SORCS1: variants seen among roughly 807,000 people sequenced by gnomAD.
SORCS1 encodes sortilin related VPS10 domain containing receptor 1, also known as VPS10 domain-containing receptor SorCS1.
In SORCS1, 60 loss-of-function variants were observed where a neutral mutation model predicts 146.1. The observed-to-expected ratio is 0.41, with a 90% confidence interval of 0.33 to 0.51. SORCS1 has a LOEUF of 0.51. SORCS1 is among the 20% of genes least tolerant of loss of function. The pLI is 0.21. For synonymous variants in SORCS1, 637 were observed against 584.0 expected (o/e 1.09, Z -1.31); for missense variants, 1,352 against 1,487.6 (o/e 0.91, Z 1.50).
the SORCS1 span, among the ~76,000 whole-genome samples, chr10:107,169,981 C>G: frequency 2.0e-5 from 3 of 151,922 alleles, no homozygotes; most frequent in Non-Finnish European, 4.4e-5. Flanking sequence ...CTCACATATG[C>G]ATATATATTT....
chr10:107,168,957 T>G (rs145627728), upstream of SORCS1, among the ~76,000 whole-genome samples: 30 of 152,294 alleles, frequency 2.0e-4, no homozygotes, highest in East Asian at 5.6e-3. Context: ...TGGGAACAAG[T>G]GTGCACTTTT....
chr10:106,904,882 CAAT>C (rs1265838732), intron 2 of SORCS1, among the ~76,000 whole-genome samples: 4 of 151,968 alleles, frequency 2.6e-5, no homozygotes, highest in Non-Finnish European at 5.9e-5. Context: ...TAAATAAAAA[CAAT>C]GTTAGAAATC....
At chr10:106,976,475 A>C (rs1956025832) in intron 1 of SORCS1, among the ~76,000 whole-genome samples, 1 of 151,596 alleles carries the variant, frequency 6.6e-6, no homozygotes, top group Middle Eastern at 3.4e-3. Flanking sequence ...GGGACTACAG[A>C]AGCCCGCCAC....
chr10:106,827,052 CCT>C (rs1032238149), intron 3 of SORCS1, among the ~76,000 whole-genome samples: 16 of 152,252 alleles, frequency 1.1e-4, no homozygotes, highest in African/African-American at 3.1e-4. Context: ...TGTATTATTA[CCT>C]CTCTGCTTCC....
At position 106,755,704 on chromosome 10, in the gene SORCS1, GAT is replaced by G. The variant is rs1185158757; in HGVS notation, c.959+5882_959+5883del. Among the ~76,000 whole-genome samples the G allele has an allele frequency of 2.0e-5, 3 of 152,042 alleles. No individual in the cohort carries two copies. The East Asian group carries it at 5.8e-4, about 29-fold the overall frequency. ...AGACTGTATTTCAATTCTTGGGGTAGATATGTGTCTGACCTACATGAGTAATG... is the reference window on the plus strand; with the variant it reads ...AGACTGTATTTCAATTCTTGGGGTAGATGTGTCTGACCTACATGAGTAATG... On this transcript the variant is annotated intron_variant, in intron 5 of 25. Transcript: ENST00000263054.
At chr10:106,906,639 T>C (rs1242421635) in intron 2 of SORCS1, among the ~76,000 whole-genome samples, 2 of 152,146 alleles carry the variant, frequency 1.3e-5, no homozygotes, top group African/African-American at 4.8e-5. Context: ...TACCTTCCCC[T>C]GGGTCCCTTC....
chr10:106,978,094 C>T (rs1956107718), intron 1 of SORCS1, among the ~76,000 whole-genome samples: 1 of 152,162 alleles, frequency 6.6e-6, no homozygotes, highest in African/African-American at 2.4e-5. Flanking sequence ...TAGGCACCCA[C>T]CATCACATCC....
At chr10:106,679,434 AT>A in intron 11 of SORCS1, 102 bp from the exon 12 acceptor site, 2 of 1,059,984 alleles carry the variant, frequency 1.9e-6, no homozygotes, top group Admixed American at 2.1e-5. Flanking sequence ...GACTGCAAGC[AT>A]TCTGTCTGTG....
chr10:106,591,532 T>C (rs1427039987), intron 24 of SORCS1, among the ~76,000 whole-genome samples: 2 of 152,196 alleles, frequency 1.3e-5, no homozygotes, highest in Non-Finnish European at 2.9e-5. Flanking sequence ...AATATATCTC[T>C]GCAGGCTATA....
chr10:107,104,880 T>G (rs1965197348), intron 1 of SORCS1, among the ~76,000 whole-genome samples: 1 of 152,162 alleles, frequency 6.6e-6, no homozygotes, highest in Non-Finnish European at 1.5e-5. Flanking sequence ...CTGGCAAGTG[T>G]GAAACAACCT....
In SORCS1 at chr10:107,058,604, C is replaced by G. The variant is rs117791017; in HGVS notation, c.559-102024G>C. ...TGAGTTTGAATCCCAGCCCTGTCACCCATCTGTATGGTCCTGAGCAAGTTA... is the reference window on the plus strand; with the variant it reads ...TGAGTTTGAATCCCAGCCCTGTCACGCATCTGTATGGTCCTGAGCAAGTTA... On this transcript the variant is annotated intron_variant, in intron 1 of 25. Transcript: ENST00000263054. Among the ~76,000 whole-genome samples, 1,078 of 152,272 alleles carry G rather than the reference C, an allele frequency of 7.1e-3. 12 individuals carry two copies. Among genetic ancestry groups the G allele is most frequent in the Non-Finnish European group, 0.01 (713 of 68,022 alleles).
chr10:106,742,166 G>T (rs1476079632), intron 5 of SORCS1, among the ~76,000 whole-genome samples: 1 of 152,168 alleles, frequency 6.6e-6, no homozygotes, highest in Non-Finnish European at 1.5e-5. Context: ...GGCAATTCCT[G>T]GGGTGCGAAA....
At chr10:106,769,930 A>G (rs1428459291) in intron 4 of SORCS1, among the ~76,000 whole-genome samples, 1 of 151,990 alleles carries the variant, frequency 6.6e-6, no homozygotes, top group Non-Finnish European at 1.5e-5. Context: ...GTCTCTACTA[A>G]AAAAATGCAA....
chr10:106,722,088 C>A (rs1035985401), intron 6 of SORCS1, among the ~76,000 whole-genome samples: 1 of 148,202 alleles, frequency 6.7e-6, no homozygotes, highest in Non-Finnish European at 1.5e-5. Flanking sequence ...TAAGCCTAAA[C>A]AATTTCTGGA....
intron 1 of SORCS1, among the ~76,000 whole-genome samples, chr10:107,089,505 T>C (rs1964015383): frequency 6.6e-6 from 1 of 152,226 alleles, no homozygotes; most frequent in Admixed American, 6.5e-5. Context: ...TTTAATATCA[T>C]CTAATAGATA....
chr10:106,956,577 T>C lies in SORCS1; in HGVS notation c.562A>G (p.Ile188Val). 6.2e-7 allele frequency: 1 copy of C among 1,614,072 alleles called. No homozygotes were observed. Among genetic ancestry groups the C allele is most frequent in the Non-Finnish European group, 8.5e-7 (1 of 1,179,970 alleles). Reference sequence around the variant, plus strand: ...TCATAGAGCTTTGTCAAAATGAGAATCACCTGAAGGCAAAAGAAGAAATCA... The same window carrying C: ...TCATAGAGCTTTGTCAAAATGAGAACCACCTGAAGGCAAAAGAAGAAATCA... ...VHWSGHNSSV[I>V]LILTKLYDYN... The change falls in exon 2 of 26, where the codon ATT (isoleucine) becomes GTT (valine). Residue 188 changes from isoleucine to valine, a missense_variant. Transcript: ENST00000263054.
At chr10:106,812,249 C>T (rs1339028349) in intron 3 of SORCS1, among the ~76,000 whole-genome samples, 1 of 152,184 alleles carries the variant, frequency 6.6e-6, no homozygotes, top group African/African-American at 2.4e-5. Flanking sequence ...ATCCGCCCGC[C>T]TCGGCCTCCC....
chr10:106,709,094 C>T, intron 7 of SORCS1, 129 bp downstream of exon 7: 2 of 665,370 alleles, frequency 3.0e-6, no homozygotes, highest in Admixed American at 4.9e-5. Flanking sequence ...TTTCCCCTCT[C>T]TCCCTACCTC....
chr10:106,599,518 A>C (rs1846110361), intron 23 of SORCS1, among the ~76,000 whole-genome samples: 2 of 152,240 alleles, frequency 1.3e-5, no homozygotes, highest in Admixed American at 6.5e-5. Context: ...GGAATCAGAC[A>C]GTGGAGTTTT....
Sources: gnomAD v4.1 joint callset for allele counts (sites outside exome capture counted in the v4.1 genomes callset) on GRCh38, gnomAD v4.1.1 for gene constraint, MANE v1.5 for transcripts, NCBI Gene and HGNC (gene_info 2026-07-23, HGNC 2026-07-21) for gene names.